GLRA3: variants seen among roughly 807,000 people sequenced by gnomAD.
GLRA3 encodes the protein glycine receptor subunit alpha-3.
A neutral mutation model predicts 60.4 loss-of-function variants in GLRA3; 44 were observed. The observed-to-expected ratio is 0.73, with a 90% CI of 0.57 to 0.94. GLRA3 has a LOEUF of 0.94. Among genes scored for constraint, GLRA3 ranks in the 40% least tolerant of loss-of-function variants. The probability of loss-of-function intolerance (pLI) is 0.00; values close to 1 mark genes in which losing one functional copy is unlikely to be tolerated. For missense variants in GLRA3, 508 were observed against 564.6 expected, an observed-to-expected ratio of 0.90 and a Z score of 1.02; for synonymous variants, 223 against 192.9, an observed-to-expected ratio of 1.16 and a Z score of -1.29.
chr4:174,820,826 C>T lies in GLRA3; in HGVS notation c.71+7915G>A, dbSNP rs1294857763. ...TATTTGCTAGTGATTTCCTCACACC[C>T]TACTGCTATAGTAATTACATCTATT... is the stretch of plus-strand genomic sequence containing the variant. On this transcript the variant is annotated intron_variant, in intron 1 of 9. Transcript: ENST00000274093. Among the ~76,000 whole-genome samples, 7 of 152,162 alleles carry T rather than the reference C, an allele frequency of 4.6e-5. No homozygotes were observed. The East Asian group carries it at 1.3e-3, about 29-fold the overall frequency.
intron 6 of GLRA3, among the ~76,000 whole-genome samples, chr4:174,680,928 C>T (rs529757822): frequency 6.6e-6 from 1 of 152,126 alleles, no homozygotes; most frequent in South Asian, 2.1e-4. Context: ...GGTATCTAGG[C>T]CTATTATTGG....
intron 1 of GLRA3, among the ~76,000 whole-genome samples, chr4:174,827,877 A>G (rs1174997604): frequency 6.6e-6 from 1 of 152,132 alleles, no homozygotes; most frequent in African/African-American, 2.4e-5. Context: ...TCCTCCTTTG[A>G]AAACCTTGCA....
intron 5 of GLRA3, among the ~76,000 whole-genome samples, chr4:174,697,719 T>A (rs1561062598): frequency 6.6e-6 from 1 of 152,118 alleles, no homozygotes; most frequent in Admixed American, 6.6e-5. Context: ...TGTGGATATA[T>A]AATTTGTGAC....
At position 174,643,069 on chromosome 4, in the gene GLRA3, A is replaced by C. The variant is rs113721911; in HGVS notation, c.*717T>G. Reference sequence around the variant, plus strand: ...AGCTATAATACTTATTTAAAAACAAAGTTGTTTCCCGTATTTCCACCTTCG... The same window carrying C: ...AGCTATAATACTTATTTAAAAACAACGTTGTTTCCCGTATTTCCACCTTCG... On this transcript the variant is annotated 3_prime_UTR_variant, in exon 10 of 10. Coordinates refer to ENST00000274093, the MANE Select transcript of GLRA3 (RefSeq NM_006529.4). 1.1e-6 allele frequency: 1 copy of C among 950,586 alleles called. No individual in the cohort carries two copies. The highest frequency in any genetic ancestry group is 1.3e-6 in the Non-Finnish European group (1 of 798,796). The allele number at this position is 950,586 out of a possible 1,614,324, so 58.9% of individuals were successfully genotyped here.
At chr4:174,765,558 A>G (rs902084789) in intron 3 of GLRA3, among the ~76,000 whole-genome samples, 7 of 152,070 alleles carry the variant, frequency 4.6e-5, no homozygotes, top group African/African-American at 1.7e-4. Flanking sequence ...GCCTAAATAG[A>G]ACAAAGCCAA....
chr4:174,760,051 G>T (rs1737879019), intron 3 of GLRA3, among the ~76,000 whole-genome samples: 1 of 152,114 alleles, frequency 6.6e-6, no homozygotes, highest in Non-Finnish European at 1.5e-5. Context: ...TTGAAGAGTA[G>T]AATAAATGTT....
intron 1 of GLRA3, among the ~76,000 whole-genome samples, chr4:174,820,762 C>T (rs776534128): frequency 5.9e-5 from 9 of 152,058 alleles, no homozygotes; most frequent in Non-Finnish European, 1.2e-4. Flanking sequence ...ATGACCAATC[C>T]GACACACTCC....
At chr4:174,714,329 A>G (rs1225768958) in intron 5 of GLRA3, among the ~76,000 whole-genome samples, 1 of 152,174 alleles carries the variant, frequency 6.6e-6, no homozygotes, top group African/African-American at 2.4e-5. Flanking sequence ...CCCTTCTTCA[A>G]TTTCAAAATC....
At chr4:174,784,719 A>T (rs1739050856) in intron 2 of GLRA3, among the ~76,000 whole-genome samples, 1 of 152,152 alleles carries the variant, frequency 6.6e-6, no homozygotes, top group Non-Finnish European at 1.5e-5. Flanking sequence ...TCTTTTTAGC[A>T]GCTCTCAGAA....
At chr4:174,711,259 C>T (rs1359824539) in intron 5 of GLRA3, among the ~76,000 whole-genome samples, 1 of 151,526 alleles carries the variant, frequency 6.6e-6, no homozygotes, top group African/African-American at 2.4e-5. Context: ...ATGCTGAAAA[C>T]AAAATTTAAC....
intron 5 of GLRA3, among the ~76,000 whole-genome samples, chr4:174,684,281 A>G (rs1180573839): frequency 6.6e-6 from 1 of 152,208 alleles, no homozygotes; most frequent in East Asian, 1.9e-4. Flanking sequence ...GGGTTAAAAA[A>G]AAAAGAAAAA....
intron 3 of GLRA3, among the ~76,000 whole-genome samples, chr4:174,755,994 G>C (rs192790356): frequency 6.4e-4 from 97 of 152,230 alleles, no homozygotes; most frequent in Non-Finnish European, 1.1e-3. Flanking sequence ...TGTGGTAAGT[G>C]TATGTAAATA....
At chr4:174,811,877 T>A (rs1305451415) in intron 1 of GLRA3, among the ~76,000 whole-genome samples, 3 of 152,184 alleles carry the variant, frequency 2.0e-5, no homozygotes, top group African/African-American at 7.2e-5. Flanking sequence ...TTCAGGTACA[T>A]TTTTCTAGTC....
At chr4:174,714,489 C>T (rs537200807) in intron 5 of GLRA3, among the ~76,000 whole-genome samples, 56 of 152,168 alleles carry the variant, frequency 3.7e-4, no homozygotes, top group African/African-American at 1.3e-3. Flanking sequence ...TTTAAATTTT[C>T]CAAGGAGGAG....
intron 7 of GLRA3, among the ~76,000 whole-genome samples, chr4:174,661,817 A>T (rs866812733): frequency 6.6e-6 from 1 of 152,208 alleles, no homozygotes. Flanking sequence ...AAGGGAAGGG[A>T]AGAACAAGAA....
chr4:174,804,359 T>C (rs150554590), intron 1 of GLRA3, among the ~76,000 whole-genome samples: 1 of 152,244 alleles, frequency 6.6e-6, no homozygotes, highest in East Asian at 1.9e-4. Flanking sequence ...GCACTACAAG[T>C]ACCTGATCAT....
At chr4:174,647,819 T>C (rs1161647367) in intron 9 of GLRA3, among the ~76,000 whole-genome samples, 1 of 152,172 alleles carries the variant, frequency 6.6e-6, no homozygotes, top group Non-Finnish European at 1.5e-5. Flanking sequence ...ACAAAGTCCT[T>C]GAAACCTGGC....
Position 174,829,033 on chromosome 4 carries a change from A to T in GLRA3, c.-222T>A. The T allele has an allele frequency of 2.1e-6, 1 of 481,502 alleles. No individual in the cohort carries two copies. Among genetic ancestry groups the T allele is most frequent in the Non-Finnish European group, 3.7e-6 (1 of 268,592 alleles). 29.8% of individuals were successfully genotyped at this position (481,502 alleles called of 1,614,324 possible). The stretch of plus-strand genomic sequence containing the variant: ...TGTTATAAATGTGCAGGTGATTTTT[A>T]CAGTGAAATTACAAAAATGAGTGAG... On this transcript the variant is annotated 5_prime_UTR_variant, in exon 1 of 10. Transcript: ENST00000274093.
At chr4:174,736,633 T>C (rs1736800406) in intron 3 of GLRA3, among the ~76,000 whole-genome samples, 1 of 152,188 alleles carries the variant, frequency 6.6e-6, no homozygotes, top group Admixed American at 6.5e-5. Context: ...TTATGGTACA[T>C]TTAAGAACAC....
Sources: gnomAD v4.1 joint callset for allele counts (sites outside exome capture counted in the v4.1 genomes callset) on GRCh38, gnomAD v4.1.1 for gene constraint, MANE v1.5 for transcripts, NCBI Gene and HGNC (gene_info 2026-07-23, HGNC 2026-07-21) for gene names.